KCNC2: variants seen among roughly 807,000 people sequenced by gnomAD.
KCNC2 encodes the protein potassium voltage-gated channel subfamily C member 2.
In KCNC2, 21 loss-of-function variants were observed where a neutral mutation model predicts 44.5. That is an observed-to-expected ratio of 0.47 (90% CI 0.33 to 0.68). The LOEUF is 0.68. KCNC2 is among the 30% of genes least tolerant of loss of function. KCNC2 has a pLI of 0.01. For missense variants in KCNC2, 589 were observed against 826.2 expected (o/e 0.71, Z 3.52); for synonymous variants, 391 against 339.1 (o/e 1.15, Z -1.68).
intron 2 of KCNC2, among the ~76,000 whole-genome samples, chr12:75,102,824 C>A (rs954728644): frequency 6.6e-6 from 1 of 151,850 alleles, no homozygotes; most frequent in Non-Finnish European, 1.5e-5. Context: ...CCCACCCACA[C>A]GTTTATTAAT....
At chr12:75,074,249 T>C (rs1883702121) in intron 2 of KCNC2, among the ~76,000 whole-genome samples, 1 of 149,918 alleles carries the variant, frequency 6.7e-6, no homozygotes, top group Non-Finnish European at 1.5e-5. Flanking sequence ...TTTTTTTTTT[T>C]TTTTTTGGCC....
chr12:75,131,849 C>T (rs11832516), intron 2 of KCNC2, among the ~76,000 whole-genome samples: 2,430 of 152,230 alleles, frequency 0.016, 67 homozygotes, highest in African/African-American at 0.054. Flanking sequence ...CCAGGTGACA[C>T]TCTGATTTCA....
chr12:75,115,536 A>G (rs1322439763), intron 2 of KCNC2, among the ~76,000 whole-genome samples: 1 of 152,192 alleles, frequency 6.6e-6, no homozygotes, highest in Non-Finnish European at 1.5e-5. Context: ...ATGTCTCGTT[A>G]CCAAGTTTGG....
intron 2 of KCNC2, among the ~76,000 whole-genome samples, chr12:75,206,003 G>T (rs371047465): frequency 5.2e-4 from 79 of 151,740 alleles, no homozygotes; most frequent in Non-Finnish European, 1.0e-3. Flanking sequence ...CAAGTCTAAA[G>T]GAGTAGCAAT....
chr12:75,149,069 T>G (rs1384229963), intron 2 of KCNC2, among the ~76,000 whole-genome samples: 1 of 151,594 alleles, frequency 6.6e-6, no homozygotes, highest in Non-Finnish European at 1.5e-5. Flanking sequence ...ACCAGAATAT[T>G]AGAATGTGAA....
intron 2 of KCNC2, among the ~76,000 whole-genome samples, chr12:75,117,410 G>A (rs953828062): frequency 2.6e-5 from 4 of 152,162 alleles, no homozygotes; most frequent in Non-Finnish European, 2.9e-5. Flanking sequence ...CCCCCAAAAA[G>A]ACTGCAACAC....
At chr12:75,071,874 G>T (rs560433099) in intron 2 of KCNC2, among the ~76,000 whole-genome samples, 2 of 131,958 alleles carry the variant, frequency 1.5e-5, no homozygotes, top group South Asian at 2.5e-4. Context: ...GGAGGCAGAG[G>T]TTGCAGTGAG....
chr12:75,192,723 AAAG>A (rs986476524), intron 2 of KCNC2, among the ~76,000 whole-genome samples: 16 of 152,198 alleles, frequency 1.1e-4, no homozygotes, highest in African/African-American at 3.1e-4. Flanking sequence ...AGCTCAAAGA[AAAG>A]AAGAAGAAAC....
intron 2 of KCNC2, among the ~76,000 whole-genome samples, chr12:75,066,756 A>G (rs1882870097): frequency 6.6e-6 from 1 of 152,210 alleles, no homozygotes; most frequent in Admixed American, 6.5e-5. Context: ...ATTTAACAAG[A>G]CGTGGTTTTA....
At chr12:75,072,062 T>A (rs1419955485) in intron 2 of KCNC2, among the ~76,000 whole-genome samples, 5 of 151,250 alleles carry the variant, frequency 3.3e-5, no homozygotes, top group African/African-American at 1.2e-4. Context: ...CAAATGCAAG[T>A]GTTCATCAAT....
At chr12:75,051,839 A>T (rs897174580) in intron 2 of KCNC2, among the ~76,000 whole-genome samples, 1 of 152,122 alleles carries the variant, frequency 6.6e-6, no homozygotes, top group Non-Finnish European at 1.5e-5. Flanking sequence ...CATGAAAAAA[A>T]ATCTTTGCAA....
rs200430537 is a variant in KCNC2 at position 75,207,777 on chromosome 12, C to A, written c.207G>T (p.Pro69=). 9 of 1,583,028 alleles carry A rather than the reference C, an allele frequency of 5.7e-6. No homozygotes were observed. The highest frequency in any genetic ancestry group is 2.3e-5 in the East Asian group (1 of 43,258). The change falls in exon 2 of 5, where the codon CCG becomes CCT. Residue 69 remains proline (P), a synonymous_variant. Transcript: ENST00000549446. The surrounding 1 kb of genome is among the most constrained non-coding windows in gnomAD (Gnocchi z 4.1). ...PPLSPPPRAP[P]LSPGPGGCFE... Reference sequence around the variant, plus strand: ...AGCAGCCGCCTGGCCCGGGGGACAGCGGGGGCGCTCTCGGCGGCGGCGACA... The same window carrying A: ...AGCAGCCGCCTGGCCCGGGGGACAGAGGGGGCGCTCTCGGCGGCGGCGACA...
intron 2 of KCNC2, among the ~76,000 whole-genome samples, chr12:75,171,629 G>C (rs1262803043): frequency 6.6e-6 from 1 of 151,820 alleles, no homozygotes; most frequent in African/African-American, 2.4e-5. Context: ...GAGGCTAGTG[G>C]GGAGGGAGGA....
intron 2 of KCNC2, among the ~76,000 whole-genome samples, chr12:75,078,711 C>T (rs564051068): frequency 2.6e-5 from 4 of 152,190 alleles, no homozygotes; most frequent in South Asian, 4.1e-4. Flanking sequence ...ACTGAGATTC[C>T]AATCAAGTTG....
rs1328354981 is a variant in KCNC2, at chr12:75,048,204, G to A, written c.1729C>T (p.Leu577=). Residue 577 remains leucine, a synonymous_variant, in exon 4 of 5, where the codon CTA becomes TTA. Transcript: ENST00000549446. ...DKNRRGETCF[L]LTTGDYTCAS... The stretch of plus-strand genomic sequence containing the variant: ...CACGTGTAATCACCTGTCGTCAGTA[G>A]GAAACATGTTTCCCCTCTTCTGTTT... The A allele has an allele frequency of 6.2e-7, 1 of 1,612,916 alleles. No individual in the cohort carries two copies. Among genetic ancestry groups the A allele is most frequent in the East Asian group, 2.2e-5 (1 of 44,844 alleles).
chr12:75,041,513 G>C lies in KCNC2; in HGVS notation c.*1592C>G. 1.7e-6 allele frequency: 2 copies of C among 1,162,432 alleles called. No individual in the cohort carries two copies. Among genetic ancestry groups the C allele is most frequent in the Non-Finnish European group, 2.1e-6 (2 of 933,090 alleles). The allele number at this position is 1,162,432 out of a possible 1,614,324, so 72.0% of individuals were successfully genotyped here. On this transcript the variant is annotated 3_prime_UTR_variant, in exon 5 of 5. Transcript: ENST00000549446. ...AGTCTCAAGGCTCCCAAATGCCTTA[G>C]TGATATTATTTATCCCTCTATTTAT...
At position 75,041,003 on chromosome 12, in the gene KCNC2, G is replaced by T; in HGVS notation, c.*2102C>A. 1.1e-6 allele frequency: 1 copy of T among 883,052 alleles called. No individual in the cohort carries two copies. The highest frequency in any genetic ancestry group is 1.8e-6 in the Non-Finnish European group (1 of 547,902). 54.7% of individuals were successfully genotyped at this position (883,052 alleles called of 1,614,324 possible). On this transcript the variant is annotated 3_prime_UTR_variant, in exon 5 of 5. Transcript: ENST00000549446. ...AGTCTACAAGCAGAGCACTCTCATG[G>T]GGAGCACCAGATGAGTTCCAGCCGC...
intron 2 of KCNC2, among the ~76,000 whole-genome samples, chr12:75,105,735 G>C (rs1435822431): frequency 6.6e-6 from 1 of 152,144 alleles, no homozygotes; most frequent in East Asian, 1.9e-4. Context: ...CATATCATGA[G>C]ATGGGGAAGA....
chr12:75,123,324 G>C (rs1308458495), intron 2 of KCNC2, among the ~76,000 whole-genome samples: 2 of 152,106 alleles, frequency 1.3e-5, no homozygotes, highest in African/African-American at 4.8e-5. Flanking sequence ...CTTGAAACCA[G>C]TTCTATTCTT....
Sources: allele counts gnomAD v4.1 joint callset (sites outside exome capture counted in the v4.1 genomes callset), GRCh38; gene constraint gnomAD v4.1.1; non-coding constraint Gnocchi (gnomAD v3.1); transcripts MANE v1.5; gene names NCBI Gene and HGNC (gene_info 2026-07-23, HGNC 2026-07-21).